Variants in VPS13B observed in about 807,000 individuals in gnomAD.
The protein encoded by VPS13B is intermembrane lipid transfer protein VPS13B.
VPS13B carries 285 observed loss-of-function variants against 426.4 expected under a neutral mutation model. The observed-to-expected ratio is 0.67, with a 90% CI of 0.61 to 0.74. The LOEUF (loss-of-function observed/expected upper bound fraction) is 0.74. VPS13B is among the 30% of genes least tolerant of loss of function. The pLI is 0.00. For missense variants in VPS13B, 4,537 were observed against 4,782.6 expected, an observed-to-expected ratio of 0.95 and a Z score of 1.51; for synonymous variants, 1,676 against 1,676.4, an observed-to-expected ratio of 1.00 and a Z score of 0.01.
At chr8:99,654,205 C>T (rs550242230) in intron 34 of VPS13B, among the ~76,000 whole-genome samples, 191 of 152,026 alleles carry the variant, frequency 1.3e-3, no homozygotes, top group African/African-American at 3.3e-3. Context: ...CCCGCCACCA[C>T]GCCCGGCTAA....
intron 36 of VPS13B, among the ~76,000 whole-genome samples, chr8:99,704,956 C>T (rs1196119609): frequency 6.6e-6 from 1 of 152,068 alleles, no homozygotes; most frequent in African/African-American, 2.4e-5. Flanking sequence ...TTTCTATAGT[C>T]CCTGAGGTAG....
At chr8:99,844,721 A>C (rs1445864848) in intron 54 of VPS13B, among the ~76,000 whole-genome samples, 6 of 152,138 alleles carry the variant, frequency 3.9e-5, no homozygotes, top group African/African-American at 1.4e-4. Flanking sequence ...CCTGCCTTCT[A>C]ATATCATCAC....
At chr8:99,583,573 C>T (rs1826175635) in intron 33 of VPS13B, among the ~76,000 whole-genome samples, 1 of 152,066 alleles carries the variant, frequency 6.6e-6, no homozygotes, top group South Asian at 2.1e-4. Context: ...AGTTGTGCTT[C>T]ATTTTAGGCA....
intron 19 of VPS13B, among the ~76,000 whole-genome samples, chr8:99,336,024 C>T (rs1810841764): frequency 6.6e-6 from 1 of 152,130 alleles, no homozygotes; most frequent in Admixed American, 6.6e-5. Flanking sequence ...CTTTAAAGTT[C>T]ATATGGCACC....
intron 20 of VPS13B, among the ~76,000 whole-genome samples, chr8:99,385,815 T>C (rs1402335111): frequency 6.6e-6 from 1 of 152,084 alleles, no homozygotes; most frequent in Non-Finnish European, 1.5e-5. Context: ...GAAGGTTGTT[T>C]TAGACTGAAC....
chr8:99,681,748 T>C (rs143889721), intron 35 of VPS13B, among the ~76,000 whole-genome samples: 4 of 152,326 alleles, frequency 2.6e-5, no homozygotes, highest in African/African-American at 9.6e-5. Flanking sequence ...TTCTAAAAAC[T>C]TTCATCAACT....
At chr8:99,349,730 G>C (rs572653314) in intron 19 of VPS13B, among the ~76,000 whole-genome samples, 1 of 152,130 alleles carries the variant, frequency 6.6e-6, no homozygotes, top group Non-Finnish European at 1.5e-5. Context: ...AAGTCTTCGA[G>C]AATATGCAGC....
intron 22 of VPS13B, among the ~76,000 whole-genome samples, chr8:99,433,424 A>C (rs1817217085): frequency 6.6e-6 from 1 of 152,206 alleles, no homozygotes; most frequent in Non-Finnish European, 1.5e-5. Context: ...GACTCCTTAC[A>C]TCTTATTAGA....
intron 51 of VPS13B, among the ~76,000 whole-genome samples, chr8:99,830,139 C>T (rs545627402): frequency 6.6e-6 from 1 of 152,302 alleles, no homozygotes; most frequent in South Asian, 2.1e-4. Context: ...GCTGGGAGAT[C>T]CACTGCTCTC....
At chr8:99,826,800 A>G (rs1052657321) in intron 51 of VPS13B, among the ~76,000 whole-genome samples, 1 of 152,168 alleles carries the variant, frequency 6.6e-6, no homozygotes, top group East Asian at 1.9e-4. Context: ...ATTTTATCAA[A>G]GGCCTTTTTT....
intron 3 of VPS13B, among the ~76,000 whole-genome samples, chr8:99,071,312 G>T (rs558466419): frequency 3.9e-4 from 60 of 152,114 alleles, no homozygotes; most frequent in Non-Finnish European, 7.2e-4. Flanking sequence ...ATCGCACTGG[G>T]GGCACCTGAA....
intron 58 of VPS13B, among the ~76,000 whole-genome samples, chr8:99,863,905 C>T (rs986549687): frequency 9.9e-5 from 15 of 152,194 alleles, no homozygotes; most frequent in Non-Finnish European, 4.4e-5. Context: ...CCTGCCAACA[C>T]TGGCCAGCCC....
At chr8:99,577,314 A>G (rs1414865293) in intron 32 of VPS13B, among the ~76,000 whole-genome samples, 176 bp from the exon 33 acceptor site, 1 of 152,162 alleles carries the variant, frequency 6.6e-6, no homozygotes, top group Non-Finnish European at 1.5e-5. Flanking sequence ...TATGAAATTC[A>G]TCTGTTAAAT....
chr8:99,437,791 C>T (rs1038014552), intron 22 of VPS13B, among the ~76,000 whole-genome samples: 6 of 151,956 alleles, frequency 3.9e-5, no homozygotes, highest in South Asian at 4.2e-4. Context: ...ATAAGTTCAC[C>T]GGTTCTTTCC....
intron 39 of VPS13B, among the ~76,000 whole-genome samples, chr8:99,733,511 A>G (rs1156282277): frequency 2.0e-5 from 3 of 152,254 alleles, no homozygotes; most frequent in African/African-American, 7.2e-5. Context: ...TGTCTAGCAC[A>G]TAGTGCTGAA....
intron 21 of VPS13B, among the ~76,000 whole-genome samples, chr8:99,404,518 C>A (rs1051439771): frequency 1.3e-5 from 2 of 152,140 alleles, no homozygotes; most frequent in African/African-American, 4.8e-5. Context: ...GTATTAAATG[C>A]AGGTTTATTT....
At chr8:99,186,949 T>A (rs1181511980) in intron 16 of VPS13B, among the ~76,000 whole-genome samples, 4 of 152,190 alleles carry the variant, frequency 2.6e-5, no homozygotes, top group African/African-American at 9.6e-5. Context: ...ATAAGCTGGC[T>A]TGAAAGGGTA....
chr8:99,175,501 G>A (rs1812579576), intron 16 of VPS13B, among the ~76,000 whole-genome samples: 1 of 152,042 alleles, frequency 6.6e-6, no homozygotes, highest in East Asian at 1.9e-4. Flanking sequence ...TTAAAATTTG[G>A]CCAGGAATGG....
intron 39 of VPS13B, among the ~76,000 whole-genome samples, chr8:99,749,930 A>G (rs1810309454): frequency 6.6e-6 from 1 of 152,032 alleles, no homozygotes; most frequent in Non-Finnish European, 1.5e-5. Context: ...GGATAAATCC[A>G]AGTAGTTTTA....
Sources: allele counts gnomAD v4.1 joint callset (sites outside exome capture counted in the v4.1 genomes callset), GRCh38; gene constraint gnomAD v4.1.1; transcripts MANE v1.5; gene names NCBI Gene and HGNC (gene_info 2026-07-23, HGNC 2026-07-21).